Variants in GRB14 observed in about 807,000 individuals in gnomAD.
GRB14 encodes the protein growth factor receptor-bound protein 14.
GRB14 carries 38 observed loss-of-function variants against 69.1 expected under a neutral mutation model. That is an observed-to-expected ratio of 0.55 (90% CI 0.42 to 0.72). GRB14 has a LOEUF of 0.72. Among genes scored for constraint, GRB14 ranks in the 30% least tolerant of loss-of-function variants. The pLI is 0.00. For synonymous variants in GRB14, 247 were observed against 241.3 expected, an observed-to-expected ratio of 1.02 and a Z score of -0.22; for missense variants, 666 against 666.1, an observed-to-expected ratio of 1.00 and a Z score of 0.00.
chr2:164,506,990 G>A (rs550458488), intron 8 of GRB14, among the ~76,000 whole-genome samples: 3 of 152,230 alleles, frequency 2.0e-5, no homozygotes, highest in African/African-American at 4.8e-5. Context: ...TAATGGGTAT[G>A]GAGTTTGCTT....
At chr2:164,534,497 A>G (rs556965642) in intron 3 of GRB14, among the ~76,000 whole-genome samples, 28 of 152,286 alleles carry the variant, frequency 1.8e-4, no homozygotes, top group African/African-American at 6.7e-4. Context: ...AGATGACTAG[A>G]TGGACTACTT....
intron 6 of GRB14, among the ~76,000 whole-genome samples, chr2:164,516,561 A>G (rs747441381): frequency 6.6e-6 from 1 of 152,060 alleles, no homozygotes; most frequent in Non-Finnish European, 1.5e-5. Context: ...GCTAGAAGGG[A>G]TTGGGGCCCT....
At chr2:164,594,570 A>C (rs1574341881) in intron 2 of GRB14, among the ~76,000 whole-genome samples, 1 of 152,302 alleles carries the variant, frequency 6.6e-6, no homozygotes, top group East Asian at 1.9e-4. Context: ...TTATTTACTC[A>C]GAAATTTTTA....
At chr2:164,562,021 G>A (rs1273808641) in intron 2 of GRB14, among the ~76,000 whole-genome samples, 2 of 152,206 alleles carry the variant, frequency 1.3e-5, no homozygotes, top group Admixed American at 6.5e-5. Flanking sequence ...TAGCAGGTCA[G>A]TATCTAAAGA....
intron 2 of GRB14, among the ~76,000 whole-genome samples, chr2:164,548,579 A>G (rs1388040398): frequency 4.6e-5 from 7 of 152,172 alleles, no homozygotes; most frequent in African/African-American, 1.7e-4. Context: ...TATCCAAGAG[A>G]GGGATTGCTG....
chr2:164,518,799 C>A (rs1370505313), intron 6 of GRB14, among the ~76,000 whole-genome samples: 3 of 151,730 alleles, frequency 2.0e-5, no homozygotes, highest in African/African-American at 7.3e-5. Context: ...GGAAAGATAA[C>A]CCTCCTAGAT....
intron 2 of GRB14, among the ~76,000 whole-genome samples, chr2:164,599,654 G>A (rs974072732): frequency 6.6e-6 from 1 of 152,104 alleles, no homozygotes; most frequent in East Asian, 1.9e-4. Context: ...TACCTAAAAA[G>A]AACAAGTTTT....
chr2:164,498,694 T>C (rs2105256982), intron 9 of GRB14, among the ~76,000 whole-genome samples: 1 of 152,330 alleles, frequency 6.6e-6, no homozygotes, highest in African/African-American at 2.4e-5. Context: ...TTTATGTAGA[T>C]TCAGCTATAC....
intron 6 of GRB14, among the ~76,000 whole-genome samples, chr2:164,517,231 T>G (rs1172342357): frequency 6.6e-6 from 1 of 152,106 alleles, no homozygotes; most frequent in African/African-American, 2.4e-5. Context: ...CATCAGATCT[T>G]GTGAGACTTA....
chr2:164,521,296 A>C (rs1479170565), intron 6 of GRB14, among the ~76,000 whole-genome samples: 1 of 152,160 alleles, frequency 6.6e-6, no homozygotes, highest in Non-Finnish European at 1.5e-5. Flanking sequence ...GTTCTCACCC[A>C]TAAGTGGGAG....
chr2:164,612,648 G>A (rs1348904833), intron 2 of GRB14, among the ~76,000 whole-genome samples: 3 of 152,168 alleles, frequency 2.0e-5, no homozygotes, highest in East Asian at 1.9e-4. Context: ...ATAAGCTGAC[G>A]TTTTTTCAAA....
chr2:164,581,685 C>A (rs1284505677), intron 2 of GRB14, among the ~76,000 whole-genome samples: 1 of 152,152 alleles, frequency 6.6e-6, no homozygotes, highest in African/African-American at 2.4e-5. Context: ...TGTTTTAAGT[C>A]ACCAAATTTG....
intron 3 of GRB14, among the ~76,000 whole-genome samples, chr2:164,543,130 T>TA (rs765383065): frequency 4.6e-5 from 7 of 150,936 alleles, no homozygotes; most frequent in East Asian, 3.9e-4. Flanking sequence ...CCATCTCTAC[T>TA]AAAAATAAAA....
At chr2:164,573,441 C>T (rs1689166554) in intron 2 of GRB14, among the ~76,000 whole-genome samples, 1 of 152,196 alleles carries the variant, frequency 6.6e-6, no homozygotes, top group Non-Finnish European at 1.5e-5. Context: ...CTATCTGACA[C>T]AGCTCTATTA....
chr2:164,564,480 C>T (rs1429883266), intron 2 of GRB14, among the ~76,000 whole-genome samples: 2 of 152,218 alleles, frequency 1.3e-5, no homozygotes, highest in East Asian at 3.8e-4. Flanking sequence ...ATGATTATAA[C>T]ATGAACTATT....
chr2:164,561,913 T>C (rs1688838485), intron 2 of GRB14, among the ~76,000 whole-genome samples: 2 of 152,114 alleles, frequency 1.3e-5, no homozygotes, highest in South Asian at 4.1e-4. Context: ...TAGATAAAGG[T>C]AATGAAAAGG....
At chr2:164,546,104 C>T (rs1574293765) in intron 3 of GRB14, among the ~76,000 whole-genome samples, 5 of 152,244 alleles carry the variant, frequency 3.3e-5, no homozygotes, top group Admixed American at 3.3e-4. Context: ...ATAAATCAAA[C>T]ACTTTGCATT....
chr2:164,594,685 A>AGAT (rs1199616964), intron 2 of GRB14, among the ~76,000 whole-genome samples: 1 of 152,198 alleles, frequency 6.6e-6, no homozygotes, highest in Non-Finnish European at 1.5e-5. Flanking sequence ...AAGAGCAGAA[A>AGAT]GATGTAATCC....
chr2:164,517,824 A>G (rs2105278017), intron 6 of GRB14, among the ~76,000 whole-genome samples: 1 of 152,330 alleles, frequency 6.6e-6, no homozygotes, highest in East Asian at 1.9e-4. Flanking sequence ...TCACAATCCT[A>G]AATATATATA....
Sources: gnomAD v4.1 joint callset for allele counts (sites outside exome capture counted in the v4.1 genomes callset) on GRCh38, gnomAD v4.1.1 for gene constraint, MANE v1.5 for transcripts, NCBI Gene and HGNC (gene_info 2026-07-23, HGNC 2026-07-21) for gene names.